Variants in IQSEC1 observed in about 807,000 individuals in gnomAD.
The protein encoded by IQSEC1 is IQ motif and SEC7 domain-containing protein 1.
IQSEC1 carries 31 observed loss-of-function variants against 91.0 expected under a neutral mutation model. The observed-to-expected ratio is 0.34, with a 90% CI of 0.26 to 0.46. IQSEC1 has a LOEUF of 0.46. Among genes scored for constraint, IQSEC1 ranks in the 20% least tolerant of loss-of-function variants. The probability of loss-of-function intolerance (pLI) is 1.00; values close to 1 mark genes in which losing one functional copy is unlikely to be tolerated. For missense variants in IQSEC1, 1,388 were observed against 1,575.6 expected (o/e 0.88, Z 2.02); for synonymous variants, 699 against 662.6 (o/e 1.05, Z -0.84).
intron 2 of IQSEC1, among the ~76,000 whole-genome samples, chr3:13,132,318 A>T (rs527576866): frequency 6.6e-6 from 1 of 152,208 alleles, no homozygotes. Flanking sequence ...GGCTGGTGAC[A>T]ATAAGCACTT....
intron 1 of IQSEC1, among the ~76,000 whole-genome samples, chr3:13,173,192 A>C (rs1693651714): frequency 6.6e-6 from 1 of 152,208 alleles, no homozygotes; most frequent in Admixed American, 6.5e-5. Flanking sequence ...TCAAGCAGTC[A>C]CCTTGACACA....
chr3:13,087,661 A>T (rs1298564529), intron 2 of IQSEC1, among the ~76,000 whole-genome samples: 1 of 152,246 alleles, frequency 6.6e-6, no homozygotes, highest in Non-Finnish European at 1.5e-5. Context: ...AACCAGGATC[A>T]CTTGCTGTCT....
intron 1 of IQSEC1, among the ~76,000 whole-genome samples, chr3:13,164,879 G>A (rs143411365): frequency 6.6e-6 from 1 of 152,208 alleles, no homozygotes; most frequent in Non-Finnish European, 1.5e-5. Flanking sequence ...ATCCCTGGAT[G>A]TCCCAAATTG....
In IQSEC1 at chr3:12,936,115, G is replaced by A. The variant is rs781442574; in HGVS notation, c.901C>T (p.Pro301Ser). Residue 301 changes from proline to serine, a missense_variant, in exon 3 of 14, where the codon CCT (proline) becomes TCT (serine). Transcript: ENST00000613206. ...LYIDEEELSP[P>S]LPLSQAGDRP... ...TCCCCTGCCTGCGAGAGGGGCAGAG[G>A]GGGCGACAGCTCCTCCTCATCGATG... 5.6e-6 allele frequency: 9 copies of A among 1,611,628 alleles called. No individual in the cohort carries two copies. The highest frequency in any genetic ancestry group is 3.3e-5 in the Admixed American group (2 of 60,000).
At chr3:13,109,455 T>G (rs941141479) in intron 2 of IQSEC1, among the ~76,000 whole-genome samples, 1 of 152,080 alleles carries the variant, frequency 6.6e-6, no homozygotes, top group Non-Finnish European at 1.5e-5. Context: ...TTAAAGAAAC[T>G]GCACCTGCCC....
rs1475538215 is a variant in IQSEC1, at chr3:12,924,622, G to T, written c.1689C>A (p.Phe563Leu). 1.2e-6 allele frequency: 2 copies of T among 1,610,596 alleles called. No individual in the cohort carries two copies. The highest frequency in any genetic ancestry group is 4.5e-5 in the East Asian group (2 of 44,680). Residue 563 changes from phenylalanine (F) to leucine (L), a missense_variant, in exon 4 of 14, where the codon TTC becomes TTA. This residue lies in a region of IQSEC1 where 1,059 missense variants were observed against 1,317.8 expected (regional missense o/e 0.80). Coordinates refer to ENST00000613206, the MANE Select transcript of IQSEC1 (RefSeq NM_001134382.3). This position sits in a 1 kb window ranked among gnomAD's most constrained non-coding sequence, Gnocchi z 6.3. ...TGAACTGCTTCTGCCGGTTGCCCAG[G>T]AACTCGCCGATCATCTGCCGGCTGA... ...KGLSRQMIGE[F>L]LGNRQKQFNR... is the part of the protein sequence containing the mutation.
chr3:13,218,943 CT>C (rs1694600664), intron 1 of IQSEC1, among the ~76,000 whole-genome samples: 1 of 152,200 alleles, frequency 6.6e-6, no homozygotes, highest in South Asian at 2.1e-4. Context: ...CTCCTTTTCC[CT>C]CACCTACTCA....
At chr3:13,093,682 A>G (rs749048361) in intron 2 of IQSEC1, among the ~76,000 whole-genome samples, 2 of 152,194 alleles carry the variant, frequency 1.3e-5, no homozygotes, top group African/African-American at 2.4e-5. Context: ...GCATGCAGCT[A>G]CAGCCTGGCG....
chr3:13,009,781 CT>C (rs139417335), intron 1 of IQSEC1, among the ~76,000 whole-genome samples: 10,571 of 152,084 alleles, frequency 0.07, 396 homozygotes, highest in African/African-American at 0.078. Context: ...GAGAGCCGGG[CT>C]TTAGCACACC....
intron 1 of IQSEC1, among the ~76,000 whole-genome samples, chr3:13,264,261 C>T (rs1194849847): frequency 6.6e-6 from 1 of 152,212 alleles, no homozygotes; most frequent in African/African-American, 2.4e-5. Context: ...TCCCTCCAAA[C>T]TTAAACTGGT....
At chr3:13,227,281 C>A (rs1206445993) in intron 1 of IQSEC1, among the ~76,000 whole-genome samples, 3 of 139,658 alleles carry the variant, frequency 2.1e-5, no homozygotes, top group African/African-American at 8.2e-5. Flanking sequence ...GAGGCTGAGG[C>A]AGGAGAATTA....
At chr3:12,904,641 T>A (rs1382083037) in intron 12 of IQSEC1, among the ~76,000 whole-genome samples, 3 of 152,176 alleles carry the variant, frequency 2.0e-5, no homozygotes, top group Non-Finnish European at 2.9e-5. Context: ...CAGGACATTG[T>A]GGCGCCATGT....
intron 2 of IQSEC1, among the ~76,000 whole-genome samples, chr3:13,161,768 C>T (rs997350335): frequency 6.6e-6 from 1 of 152,250 alleles, no homozygotes; most frequent in Non-Finnish European, 1.5e-5. Flanking sequence ...TAAACACAGC[C>T]TTCCCTGCTG....
intron 1 of IQSEC1, among the ~76,000 whole-genome samples, chr3:13,016,229 C>G (rs143559581): frequency 1.4e-4 from 21 of 152,342 alleles, no homozygotes; most frequent in Middle Eastern, 3.4e-3. Flanking sequence ...GGGCCCAGGC[C>G]CCTCCTCCAG....
intron 1 of IQSEC1, among the ~76,000 whole-genome samples, chr3:13,264,964 GCC>G (rs1559289427): frequency 4.6e-5 from 7 of 151,840 alleles, no homozygotes; most frequent in Admixed American, 2.6e-4. Flanking sequence ...CTGTCTGTCT[GCC>G]TCTCTTTCTC....
intron 2 of IQSEC1, among the ~76,000 whole-genome samples, chr3:13,161,419 A>G (rs568957282): frequency 6.6e-6 from 1 of 152,056 alleles, no homozygotes; most frequent in East Asian, 1.9e-4. Flanking sequence ...GGGGACGCAG[A>G]CCCCGCACGG....
intron 1 of IQSEC1, among the ~76,000 whole-genome samples, chr3:13,172,816 C>T (rs1032482901): frequency 6.6e-6 from 1 of 152,158 alleles, no homozygotes; most frequent in Non-Finnish European, 1.5e-5. Context: ...TGAGCTCTGC[C>T]GCCTCCCAGC....
intron 2 of IQSEC1, 90 bp downstream of exon 2, chr3:12,941,481 A>T: frequency 7.7e-7 from 1 of 1,298,238 alleles, no homozygotes; most frequent in Non-Finnish European, 1.0e-6. Context: ...TCTATGGGAG[A>T]GATCTGCCAC....
At chr3:13,180,612 T>C (rs1353125398) in intron 1 of IQSEC1, among the ~76,000 whole-genome samples, 1 of 152,032 alleles carries the variant, frequency 6.6e-6, no homozygotes, top group Non-Finnish European at 1.5e-5. Flanking sequence ...TTTCGCTCTT[T>C]GCAATAAATC....
Sources: allele counts gnomAD v4.1 joint callset (sites outside exome capture counted in the v4.1 genomes callset), GRCh38; gene constraint gnomAD v4.1.1; regional missense constraint gnomAD v4.1.1; non-coding constraint Gnocchi (gnomAD v3.1); transcripts MANE v1.5; gene names NCBI Gene and HGNC (gene_info 2026-07-23, HGNC 2026-07-21).